DEFB107B: variants seen among roughly 807,000 people sequenced by gnomAD.
The protein encoded by DEFB107B is beta-defensin 107.
chr8:7,496,429 A>G (rs1811739839), intron 1 of DEFB107B, among the ~76,000 whole-genome samples: 2 of 146,982 alleles, frequency 1.4e-5, no homozygotes, highest in Non-Finnish European at 3.0e-5. Context: ...CCTCCCGAGT[A>G]GCTGGGACTA....
At chr8:7,508,365 A>C (rs201180545) in intron 1 of DEFB107B, among the ~76,000 whole-genome samples, 25,328 of 122,626 alleles carry the variant, frequency 0.21, 1,058 homozygotes, top group African/African-American at 0.23. Context: ...AGGAATAAAC[A>C]TTACTCCTTT....
chr8:7,496,287 A>G (rs1215478548), intron 1 of DEFB107B, among the ~76,000 whole-genome samples: 4 of 74,250 alleles, frequency 5.4e-5, no homozygotes, highest in African/African-American at 1.1e-4. Context: ...GGTTCAGCAT[A>G]TTCTTTTTTT....
chr8:7,508,147 T>G (rs1261494635), intron 1 of DEFB107B, among the ~76,000 whole-genome samples: 2 of 137,044 alleles, frequency 1.5e-5, no homozygotes, highest in Non-Finnish European at 3.1e-5. Context: ...CCTGATAAAT[T>G]TAAGTGATCT....
intron 1 of DEFB107B, among the ~76,000 whole-genome samples, chr8:7,508,083 A>ATG (rs796448836): frequency 4.7e-5 from 2 of 42,736 alleles, no homozygotes; most frequent in African/African-American, 8.0e-5. Flanking sequence ...ATATATATAT[A>ATG]TGTGTGTGTG....
At chr8:7,507,385 C>A (rs1811961702) in intron 1 of DEFB107B, among the ~76,000 whole-genome samples, 1 of 39,974 alleles carries the variant, frequency 2.5e-5, no homozygotes, top group African/African-American at 7.0e-5. Context: ...GAGTTTGGAT[C>A]TCAGTGCTAA....
chr8:7,496,590 G>A (rs1386282685), intron 1 of DEFB107B, among the ~76,000 whole-genome samples: 2 of 145,434 alleles, frequency 1.4e-5, no homozygotes, highest in South Asian at 2.1e-4. Context: ...ATGAGCCACC[G>A]CGCCTGGCCA....
In DEFB107B at chr8:7,498,869, C is replaced by T. The variant is rs1234467345; in HGVS notation, c.70+2866C>T. Among the ~76,000 whole-genome samples the T allele has an allele frequency of 3.3e-4, 7 of 21,478 alleles. 3 individuals are homozygous for T. The highest frequency in any genetic ancestry group is 5.7e-4 in the African/African-American group (7 of 12,228). 14.1% of individuals were successfully genotyped at this position (21,478 alleles called of 152,430 possible). A position where few individuals can be genotyped will look rare whatever the true frequency, so the allele number is the denominator to read the frequency against. On this transcript the variant is annotated intron_variant, in intron 1 of 1. Coordinates refer to ENST00000355602, the MANE Select transcript of DEFB107B (RefSeq NM_001040705.2). The stretch of plus-strand genomic sequence containing the variant: ...TTCCCCCTTTTCTTTTCGACAAAAC[C>T]GCCATCGTCATCATGGCCCGTTCTC...
At chr8:7,497,499 G>C (rs1377882787) in intron 1 of DEFB107B, among the ~76,000 whole-genome samples, 1 of 152,058 alleles carries the variant, frequency 6.6e-6, no homozygotes, top group South Asian at 2.1e-4. Context: ...TTTGGAAATA[G>C]GCAAGACTAG....
chr8:7,496,573 T>C (rs1414984158), intron 1 of DEFB107B, among the ~76,000 whole-genome samples: 2 of 150,464 alleles, frequency 1.3e-5, no homozygotes, highest in Non-Finnish European at 3.0e-5. Flanking sequence ...GCCCTGGGAT[T>C]ACAGGCATGA....
intron 1 of DEFB107B, among the ~76,000 whole-genome samples, chr8:7,497,410 A>G (rs1481789226): frequency 9.9e-5 from 15 of 151,922 alleles, no homozygotes; most frequent in African/African-American, 3.4e-4. Flanking sequence ...AATTATAAAG[A>G]GAAGTCATAG....
intron 1 of DEFB107B, among the ~76,000 whole-genome samples, chr8:7,497,132 G>A (rs1164713646): frequency 2.0e-5 from 3 of 147,610 alleles, no homozygotes; most frequent in African/African-American, 7.6e-5. Context: ...GATATTGAAT[G>A]TGTGCTAACC....
intron 1 of DEFB107B, among the ~76,000 whole-genome samples, chr8:7,503,812 C>T (rs1312679472): frequency 4.2e-5 from 1 of 23,892 alleles, no homozygotes; most frequent in African/African-American, 7.4e-5. Flanking sequence ...ATAGAGACAT[C>T]TGCTCCAGTG....
chr8:7,497,602 C>T (rs1811802480), intron 1 of DEFB107B, among the ~76,000 whole-genome samples: 1 of 152,064 alleles, frequency 6.6e-6, no homozygotes, highest in Non-Finnish European at 1.5e-5. Context: ...CGATTTTCTG[C>T]CCTCAGCATC....
At chr8:7,500,945 CT>C (rs1811865471) in intron 1 of DEFB107B, among the ~76,000 whole-genome samples, 1 of 45,846 alleles carries the variant, frequency 2.2e-5, no homozygotes, top group African/African-American at 7.1e-5. Context: ...AGCTGATTTT[CT>C]CCTGGTGAAA....
intron 1 of DEFB107B, among the ~76,000 whole-genome samples, chr8:7,499,897 G>T (rs1811841047): frequency 8.4e-6 from 1 of 119,584 alleles, no homozygotes; most frequent in African/African-American, 4.0e-5. Flanking sequence ...GGATGTTCAG[G>T]ACCAGAAACA....
intron 1 of DEFB107B, among the ~76,000 whole-genome samples, chr8:7,508,182 A>G (rs1237567296): frequency 1.4e-5 from 2 of 140,328 alleles, no homozygotes; most frequent in East Asian, 2.1e-4. Context: ...CCCAAGTTCA[A>G]CTTTGGACTA....
At chr8:7,497,527 A>T (rs1305218837) in intron 1 of DEFB107B, among the ~76,000 whole-genome samples, 2 of 152,102 alleles carry the variant, frequency 1.3e-5, no homozygotes, top group Non-Finnish European at 2.9e-5. Context: ...GAACAGAGCC[A>T]GGGAACAATG....
intron 1 of DEFB107B, among the ~76,000 whole-genome samples, chr8:7,507,771 C>T (rs1811974299): frequency 7.2e-6 from 1 of 138,480 alleles, no homozygotes; most frequent in Admixed American, 7.1e-5. Context: ...TCACATCATT[C>T]CACTCCTTTT....
intron 1 of DEFB107B, among the ~76,000 whole-genome samples, chr8:7,497,120 T>C (rs1811783188): frequency 6.8e-6 from 1 of 147,186 alleles, no homozygotes; most frequent in African/African-American, 2.5e-5. Context: ...AGAAAACCAA[T>C]AGATATTGAA....
Sources: gnomAD v4.1 joint callset for allele counts (sites outside exome capture counted in the v4.1 genomes callset) on GRCh38, gnomAD v4.1.1 for gene constraint, MANE v1.5 for transcripts, NCBI Gene and HGNC (gene_info 2026-07-23, HGNC 2026-07-21) for gene names.